The following TMEM182 variants were observed in gnomAD, a reference collection of about 807,000 sequenced individuals.
The protein encoded by TMEM182 is transmembrane protein 182.
TMEM182 carries 20 observed loss-of-function variants against 26.8 expected under a neutral mutation model. The observed-to-expected ratio is 0.75, with a 90% confidence interval of 0.53 to 1.09. TMEM182 has a LOEUF of 1.09. TMEM182 is among the 50% of genes least tolerant of loss of function. The probability of loss-of-function intolerance (pLI) is 0.00; values close to 1 mark genes in which losing one functional copy is unlikely to be tolerated. For missense variants in TMEM182, 277 were observed against 275.5 expected, an observed-to-expected ratio of 1.01 and a Z score of -0.04; for synonymous variants, 109 against 102.2, an observed-to-expected ratio of 1.07 and a Z score of -0.40.
intron 3 of TMEM182, among the ~76,000 whole-genome samples, chr2:102,774,304 G>A (rs1680815709): frequency 7.2e-6 from 1 of 137,956 alleles, no homozygotes. Context: ...AGCCCAGGAT[G>A]GAGTGCAATG....
Position 102,840,820 on chromosome 2 carries a change from A to G in TMEM182, c.326-2592A>G, listed in dbSNP as rs531189426. On this transcript the variant is annotated intron_variant, in intron 3 of 3. Coordinates refer to the TMEM182 transcript ENST00000486293. ...CTAGATCTGCCACTGCATGAACTACATAACTGACAAATCTTCAATTCACAT... is the reference window on the plus strand; with the variant it reads ...CTAGATCTGCCACTGCATGAACTACGTAACTGACAAATCTTCAATTCACAT... Among the ~76,000 whole-genome samples the G allele has an allele frequency of 1.8e-4, 28 of 152,344 alleles. No homozygotes were observed. The South Asian group carries it at 5.2e-3, about 28-fold the overall frequency.
chr2:102,788,466 C>T (rs974725279), intron 3 of TMEM182, among the ~76,000 whole-genome samples: 1 of 152,098 alleles, frequency 6.6e-6, no homozygotes, highest in Non-Finnish European at 1.5e-5. Flanking sequence ...CCTCAGTCCC[C>T]TCAGCTCTGT....
chr2:102,747,013 A>G (rs921939756), intron 1 of TMEM182, among the ~76,000 whole-genome samples: 3 of 152,236 alleles, frequency 2.0e-5, no homozygotes, highest in Non-Finnish European at 2.9e-5. Context: ...AATTACTTAG[A>G]CTTTAAATGA....
At chr2:102,836,537 G>A (rs1238737513) in intron 3 of TMEM182, among the ~76,000 whole-genome samples, 2 of 152,180 alleles carry the variant, frequency 1.3e-5, no homozygotes, top group Non-Finnish European at 2.9e-5. Context: ...AATGCTATGA[G>A]GTGAGTGCTA....
intron 3 of TMEM182, among the ~76,000 whole-genome samples, chr2:102,782,913 G>T (rs1039642950): frequency 6.6e-6 from 1 of 152,086 alleles, no homozygotes; most frequent in African/African-American, 2.4e-5. Flanking sequence ...AAATATAATT[G>T]ATTTTTATCA....
At chr2:102,838,214 A>C (rs2104781104) in intron 3 of TMEM182, among the ~76,000 whole-genome samples, 1 of 152,300 alleles carries the variant, frequency 6.6e-6, no homozygotes, top group Admixed American at 6.5e-5. Flanking sequence ...ATTACTTTTG[A>C]GGGATAGCTA....
chr2:102,772,918 A>C (rs1476940795), intron 3 of TMEM182, among the ~76,000 whole-genome samples: 1 of 151,412 alleles, frequency 6.6e-6, no homozygotes, highest in Non-Finnish European at 1.5e-5. Flanking sequence ...TCCCTAGTGA[A>C]ACACTTTCTG....
intron 3 of TMEM182, among the ~76,000 whole-genome samples, chr2:102,783,860 C>A (rs746028965): frequency 6.6e-6 from 1 of 152,184 alleles, no homozygotes; most frequent in African/African-American, 2.4e-5. Flanking sequence ...GACTCTCAGC[C>A]TGTGAATAAA....
intron 3 of TMEM182, among the ~76,000 whole-genome samples, chr2:102,774,933 G>C (rs1680846706): frequency 6.6e-6 from 1 of 151,870 alleles, no homozygotes. Flanking sequence ...GTTTTACTTA[G>C]TCTAGATTAT....
At chr2:102,812,948 G>C (rs1682608168) in intron 4 of TMEM182, among the ~76,000 whole-genome samples, 1 of 152,154 alleles carries the variant, frequency 6.6e-6, no homozygotes, top group African/African-American at 2.4e-5. Context: ...ACATGGAATT[G>C]CCATATTGTT....
chr2:102,800,909 G>C (rs756937708), intron 4 of TMEM182, among the ~76,000 whole-genome samples: 1 of 151,698 alleles, frequency 6.6e-6, no homozygotes, highest in Non-Finnish European at 1.5e-5. Flanking sequence ...AGCAATATAC[G>C]TGAAGAGTTA....
intron 3 of TMEM182, among the ~76,000 whole-genome samples, chr2:102,765,201 G>A (rs558137407): frequency 6.6e-6 from 1 of 152,164 alleles, no homozygotes; most frequent in South Asian, 2.1e-4. Context: ...CACACATAGA[G>A]AGTGAGAGAG....
intron 3 of TMEM182, among the ~76,000 whole-genome samples, chr2:102,771,063 C>T (rs1057388469): frequency 3.9e-5 from 6 of 152,068 alleles, no homozygotes; most frequent in Non-Finnish European, 8.8e-5. Flanking sequence ...TTTGGGTGTT[C>T]ATGTATGGGG....
intron 1 of TMEM182, among the ~76,000 whole-genome samples, chr2:102,744,721 G>A (rs899202902): frequency 6.6e-6 from 1 of 151,934 alleles, no homozygotes; most frequent in Non-Finnish European, 1.5e-5. Flanking sequence ...AAAATATTTC[G>A]CTTATTGTCT....
At chr2:102,788,694 C>A (rs1284045027) in intron 3 of TMEM182, among the ~76,000 whole-genome samples, 1 of 152,082 alleles carries the variant, frequency 6.6e-6, no homozygotes, top group East Asian at 1.9e-4. Context: ...TCATGCTTCT[C>A]CTGCTTCAAG....
chr2:102,753,046 T>C (rs2540309), intron 1 of TMEM182, among the ~76,000 whole-genome samples: 73,642 of 152,094 alleles, frequency 0.48, 18,704 homozygotes, highest in African/African-American at 0.64. Context: ...TAGATCTATC[T>C]CTGTAAGTTA....
chr2:102,789,958 C>T (rs1389404425), intron 3 of TMEM182, among the ~76,000 whole-genome samples: 5 of 152,152 alleles, frequency 3.3e-5, no homozygotes, highest in South Asian at 2.1e-4. Flanking sequence ...TGTAGACAAA[C>T]GCTGAGACCC....
At chr2:102,767,352 G>A (rs1284448969) in intron 3 of TMEM182, among the ~76,000 whole-genome samples, 1 of 152,132 alleles carries the variant, frequency 6.6e-6, no homozygotes, top group African/African-American at 2.4e-5. Context: ...TGCTTTTGAG[G>A]TAGGCTTGTG....
At chr2:102,797,167 C>T (rs1681904644) in intron 3 of TMEM182, among the ~76,000 whole-genome samples, 1 of 152,162 alleles carries the variant, frequency 6.6e-6, no homozygotes, top group Admixed American at 6.5e-5. Context: ...GACTCCTATA[C>T]TTCTCATTTT....
Sources: allele counts gnomAD v4.1 joint callset (sites outside exome capture counted in the v4.1 genomes callset), GRCh38; gene constraint gnomAD v4.1.1; transcripts MANE v1.5; gene names NCBI Gene and HGNC (gene_info 2026-07-23, HGNC 2026-07-21).